The following LRRC37A3 variants were observed in gnomAD, a reference collection of about 807,000 sequenced individuals.
The protein encoded by LRRC37A3 is leucine-rich repeat-containing protein 37A3.
In LRRC37A3, 25 loss-of-function variants were observed where a neutral mutation model predicts 106.2. That is an observed-to-expected ratio of 0.24 (90% CI 0.17 to 0.33). The LOEUF (loss-of-function observed/expected upper bound fraction) is 0.33. Ranked by LOEUF, LRRC37A3 falls within the 10% of genes least tolerant of loss-of-function variation. LRRC37A3 has a pLI of 1.00. For missense variants in LRRC37A3, 712 were observed against 1,644.9 expected (o/e 0.43, Z 9.81); for synonymous variants, 305 against 635.8 (o/e 0.48, Z 7.83).
chr17:64,861,171 G>A (rs543672463), intron 11 of LRRC37A3, among the ~76,000 whole-genome samples, 198 bp from the exon 12 acceptor site: 2 of 152,162 alleles, frequency 1.3e-5, no homozygotes, highest in East Asian at 1.9e-4. Flanking sequence ...TTGAAAACAC[G>A]GCCACCTACT....
At chr17:64,919,323 G>T (rs190781155) in intron 1 of LRRC37A3, 108 bp downstream of exon 1, 1 of 473,438 alleles carries the variant, frequency 2.1e-6, no homozygotes, top group South Asian at 7.8e-5. Context: ...TGGGCGCAGT[G>T]GGGGCGGCCG....
Position 64,867,839 on chromosome 17 carries a change from T to C in LRRC37A3, c.3053+623A>G, listed in dbSNP as rs9907732. 8.7e-3 allele frequency among the ~76,000 whole-genome samples: 1,321 copies of C among 152,004 alleles called. 28 individuals carry two copies. Among genetic ancestry groups the C allele is most frequent in the African/African-American group, 0.03 (1,257 of 41,418 alleles). ...CTGTAATCCTAGCACTTTGGGAGGC[T>C]GAGGCAGGCGGATCACTTGAGGTCA... On this transcript the variant is annotated intron_variant, in intron 10 of 14. Transcript: ENST00000584306.
At chr17:64,868,996 T>G in intron 9 of LRRC37A3, 99 bp downstream of exon 9, 1 of 1,510,428 alleles carries the variant, frequency 6.6e-7, no homozygotes, top group Non-Finnish European at 8.8e-7. Context: ...AAAATTTAAA[T>G]TATGACATTT....
chr17:64,859,969 C>A lies in LRRC37A3; in HGVS notation c.4177G>T (p.Ala1393Ser). ...ACATTTTCTTCAAAGGCATTTCTTG[C>A]AGTTGTGTCTTTTGTATTATTGTTT... The part of the protein sequence containing the change: ...IENNNTKDTT[A>S]RNAFEENVFM... Residue 1393 changes from alanine (A) to serine (S), a missense_variant, in exon 12 of 15, where the codon GCA (alanine) becomes TCA (serine). Transcript: ENST00000584306. 1 of 1,613,690 alleles carries A rather than the reference C, an allele frequency of 6.2e-7. No individual in the cohort carries two copies. Among genetic ancestry groups the A allele is most frequent in the Non-Finnish European group, 8.5e-7 (1 of 1,179,864 alleles).
At chr17:64,905,043 AATTT>A (rs1167512586) in intron 2 of LRRC37A3, among the ~76,000 whole-genome samples, 8 of 150,800 alleles carry the variant, frequency 5.3e-5, no homozygotes, top group Admixed American at 1.3e-4. Flanking sequence ...TTATTAAATA[AATTT>A]ATTAATTAAT....
At chr17:64,893,828 A>G (rs1180639559) in intron 4 of LRRC37A3, among the ~76,000 whole-genome samples, 1 of 147,528 alleles carries the variant, frequency 6.8e-6, no homozygotes, top group Non-Finnish European at 1.5e-5. Context: ...TTTTTTCTGT[A>G]TTTTTAGTAG....
At chr17:64,872,023 T>A (rs1222603103) in intron 8 of LRRC37A3, among the ~76,000 whole-genome samples, 2 of 149,820 alleles carry the variant, frequency 1.3e-5, no homozygotes, top group African/African-American at 2.5e-5. Context: ...TCCCAGCTAC[T>A]CGGGAGGCTG....
rs545772157 is a variant in LRRC37A3, at chr17:64,876,502, T to G, written c.2907-7336A>C. ...ACTGCAAAAATACAGAAGACCAAAT[T>G]ATTAAAATTAGAAATGAGAGGGGAC... is the stretch of plus-strand genomic sequence containing the variant. On this transcript the variant is annotated intron_variant, in intron 8 of 14. Coordinates refer to ENST00000584306, the MANE Select transcript of LRRC37A3 (RefSeq NM_199340.5). 2.0e-5 allele frequency among the ~76,000 whole-genome samples: 3 copies of G among 152,238 alleles called. No individual in the cohort carries two copies. The East Asian group carries it at 5.8e-4, about 29-fold the overall frequency.
chr17:64,878,053 T>A (rs1001229307), intron 8 of LRRC37A3, among the ~76,000 whole-genome samples: 4 of 152,110 alleles, frequency 2.6e-5, no homozygotes, highest in Admixed American at 6.6e-5. Context: ...ATGATAAGAC[T>A]CTTACACAAA....
chr17:64,899,432 A>T (rs1320205813), intron 2 of LRRC37A3, among the ~76,000 whole-genome samples: 1 of 143,888 alleles, frequency 6.9e-6, no homozygotes, highest in Non-Finnish European at 1.5e-5. Flanking sequence ...AAAAAAAAAA[A>T]AAAAAAAAGA....
chr17:64,866,105 G>C (rs1476034267), intron 10 of LRRC37A3, among the ~76,000 whole-genome samples: 1 of 151,922 alleles, frequency 6.6e-6, no homozygotes, highest in Non-Finnish European at 1.5e-5. Context: ...TTAGTTCAAT[G>C]TCTTTATGGC....
chr17:64,867,619 A>C (rs1973160647), intron 10 of LRRC37A3, among the ~76,000 whole-genome samples: 1 of 150,426 alleles, frequency 6.6e-6, no homozygotes, highest in Non-Finnish European at 1.5e-5. Context: ...TAAATTTTCT[A>C]CTGTTTTTAT....
chr17:64,857,566 C>G (rs1247949494), intron 13 of LRRC37A3, among the ~76,000 whole-genome samples: 13 of 151,986 alleles, frequency 8.6e-5, no homozygotes, highest in African/African-American at 3.1e-4. Context: ...CCACAGCTCA[C>G]TGCATCCTCG....
At chr17:64,867,467 C>T (rs889613320) in intron 10 of LRRC37A3, among the ~76,000 whole-genome samples, 2 of 152,128 alleles carry the variant, frequency 1.3e-5, no homozygotes, top group African/African-American at 4.8e-5. Context: ...GGATTGGCTC[C>T]AGGACCCCCT....
chr17:64,904,538 A>AT (rs1974407952), intron 2 of LRRC37A3, among the ~76,000 whole-genome samples: 1 of 147,026 alleles, frequency 6.8e-6, no homozygotes, highest in African/African-American at 2.6e-5. Flanking sequence ...ACTGAAGGCT[A>AT]TAAGAGATAC....
At chr17:64,919,257 AT>A (rs1375864852) in intron 1 of LRRC37A3, among the ~76,000 whole-genome samples, 173 bp downstream of exon 1, 1 of 151,432 alleles carries the variant, frequency 6.6e-6, no homozygotes. Context: ...CCGGCCCCTC[AT>A]GTTGGAACCG....
intron 8 of LRRC37A3, among the ~76,000 whole-genome samples, chr17:64,876,276 G>A (rs528535123): frequency 2.0e-4 from 31 of 152,284 alleles, no homozygotes; most frequent in Middle Eastern, 3.4e-3. Flanking sequence ...CCAATCTCCC[G>A]GGCTCAAGTG....
intron 8 of LRRC37A3, among the ~76,000 whole-genome samples, chr17:64,873,834 G>A (rs1973407041): frequency 6.6e-6 from 1 of 152,200 alleles, no homozygotes; most frequent in African/African-American, 2.4e-5. Context: ...TACACATAAT[G>A]AGCATCCCAG....
intron 10 of LRRC37A3, among the ~76,000 whole-genome samples, chr17:64,866,628 A>T (rs7501453): frequency 0.023 from 415 of 17,884 alleles, 27 homozygotes; most frequent in South Asian, 0.049. Context: ...ATATATATAT[A>T]TTTTTTTTTT....
Sources: allele counts gnomAD v4.1 joint callset (sites outside exome capture counted in the v4.1 genomes callset), GRCh38; gene constraint gnomAD v4.1.1; transcripts MANE v1.5; gene names NCBI Gene and HGNC (gene_info 2026-07-23, HGNC 2026-07-21).